Variants in RALGAPA1 observed in about 807,000 individuals in gnomAD.
RALGAPA1 encodes ral GTPase-activating protein subunit alpha-1.
RALGAPA1 carries 52 observed loss-of-function variants against 269.6 expected under a neutral mutation model. The observed-to-expected ratio is 0.19, with a 90% CI of 0.15 to 0.24. The LOEUF (loss-of-function observed/expected upper bound fraction) is 0.24. Ranked by LOEUF, RALGAPA1 falls within the 10% of genes least tolerant of loss-of-function variation. The pLI is 1.00. For missense variants in RALGAPA1, 1,917 were observed against 3,013.9 expected (o/e 0.64, Z 8.52); for synonymous variants, 817 against 1,008.3 (o/e 0.81, Z 3.60).
At chr14:35,671,597 A>G (rs1439817768) in intron 25 of RALGAPA1, 80 bp from the exon 26 acceptor site, 4 of 682,306 alleles carry the variant, frequency 5.9e-6, no homozygotes, top group South Asian at 4.8e-5. Flanking sequence ...TTAAAAATAG[A>G]TAACATATGA....
intron 39 of RALGAPA1, among the ~76,000 whole-genome samples, chr14:35,561,499 T>C (rs1006598609): frequency 1.4e-5 from 2 of 142,020 alleles, no homozygotes; most frequent in Admixed American, 7.2e-5. Flanking sequence ...ATGTCTTTAA[T>C]ATAGGAGTTT....
intron 31 of RALGAPA1, among the ~76,000 whole-genome samples, chr14:35,645,346 G>GGGGTGTGT (rs71445953): frequency 1.5e-5 from 2 of 129,488 alleles, no homozygotes; most frequent in African/African-American, 6.1e-5. Flanking sequence ...TATAGAGATG[G>GGGGTGTGT]GTGTGTGTGT....
chr14:35,681,616 T>C (rs1395547944), intron 21 of RALGAPA1, among the ~76,000 whole-genome samples: 1 of 152,218 alleles, frequency 6.6e-6, no homozygotes, highest in African/African-American at 2.4e-5. Context: ...GCTTAAAGTT[T>C]TGATAGTATT....
At chr14:35,651,421 G>A (rs1379690822) in intron 31 of RALGAPA1, among the ~76,000 whole-genome samples, 6 of 152,136 alleles carry the variant, frequency 3.9e-5, no homozygotes, top group African/African-American at 7.2e-5. Flanking sequence ...TCTTTTAAAT[G>A]ACGTATCTCT....
intron 31 of RALGAPA1, among the ~76,000 whole-genome samples, chr14:35,648,253 T>C (rs2062585749): frequency 1.3e-5 from 2 of 151,118 alleles, no homozygotes; most frequent in Admixed American, 6.6e-5. Context: ...GCCGAGATTG[T>C]GCCACTACAT....
chr14:35,738,314 C>T (rs2071222534), intron 12 of RALGAPA1, among the ~76,000 whole-genome samples, 199 bp downstream of exon 12: 1 of 151,214 alleles, frequency 6.6e-6, no homozygotes, highest in Non-Finnish European at 1.5e-5. Flanking sequence ...ATTTATATAA[C>T]ATTTAAAATT....
At chr14:35,705,376 T>C (rs1374558017) in intron 16 of RALGAPA1, among the ~76,000 whole-genome samples, 2 of 152,156 alleles carry the variant, frequency 1.3e-5, no homozygotes, top group Non-Finnish European at 2.9e-5. Context: ...AGTCATCTTT[T>C]TACTGTTGAC....
chr14:35,788,865 C>T (rs2075974277), intron 1 of RALGAPA1, among the ~76,000 whole-genome samples: 1 of 152,138 alleles, frequency 6.6e-6, no homozygotes, highest in Non-Finnish European at 1.5e-5. Context: ...TCTTTTCTAT[C>T]ATTGTCCATT....
At chr14:35,667,311 T>C (rs1446275619) in intron 26 of RALGAPA1, among the ~76,000 whole-genome samples, 1 of 152,088 alleles carries the variant, frequency 6.6e-6, no homozygotes, top group Non-Finnish European at 1.5e-5. Flanking sequence ...GGCAGGAGAA[T>C]CGCTTGAACC....
At chr14:35,699,612 A>G (rs968552976) in intron 17 of RALGAPA1, among the ~76,000 whole-genome samples, 3 of 152,106 alleles carry the variant, frequency 2.0e-5, no homozygotes. Context: ...AATCCTTAGA[A>G]TTCTATATAT....
Position 35,677,995 on chromosome 14 carries a change from C to T in RALGAPA1, c.4579G>A (p.Asp1527Asn), listed in dbSNP as rs1356478330. The T allele has an allele frequency of 5.6e-6, 9 of 1,613,588 alleles. No homozygotes were observed. Among genetic ancestry groups the T allele is most frequent in the East Asian group, 4.5e-5 (2 of 44,844 alleles). ...DHMEQKDLQLDEKLHHSVLQT... is the reference protein window; with the variant it reads ...DHMEQKDLQLNEKLHHSVLQT... ...AGAACAGAGTGGTGGAGCTTCTCGT[C>T]GAGCTGCAGATCCTTCTGTTCCATG... Residue 1527 changes from aspartate to asparagine, a missense_variant, in exon 22 of 42, where the codon GAC (aspartate) becomes AAC (asparagine). This residue lies in a region of RALGAPA1 where 73 missense variants were observed against 190.6 expected (regional missense o/e 0.38). Transcript: ENST00000680220.
Position 35,683,989 on chromosome 14 carries a change from T to C in RALGAPA1, c.4295-4A>G, listed in dbSNP as rs1189342036. On this transcript the variant is annotated splice_polypyrimidine_tract_variant and splice_region_variant and intron_variant, in intron 20 of 41. Coordinates refer to ENST00000680220, the MANE Select transcript of RALGAPA1 (RefSeq NM_001346249.2). The stretch of plus-strand genomic sequence containing the variant: ...GTGTCGGTTCCAAAGCCAAAATCTA[T>C]AGGAAGAAGAAATGTTATTATATGA... 1.1e-5 allele frequency: 17 copies of C among 1,605,118 alleles called. No homozygotes were observed. Among genetic ancestry groups the C allele is most frequent in the Admixed American group, 3.4e-5 (2 of 58,218 alleles).
intron 4 of RALGAPA1, chr14:35,766,521 TTG>T: frequency 8.7e-7 from 1 of 1,155,232 alleles, no homozygotes; most frequent in South Asian, 1.2e-5. Context: ...CTACCATCTA[TTG>T]TGCACATCAG....
intron 17 of RALGAPA1, among the ~76,000 whole-genome samples, chr14:35,691,703 T>C (rs536567695): frequency 3.9e-5 from 6 of 152,222 alleles, no homozygotes. Flanking sequence ...CATATCACCC[T>C]ATTTGTATGA....
intron 35 of RALGAPA1, among the ~76,000 whole-genome samples, chr14:35,619,892 C>A (rs1425017961): frequency 6.6e-6 from 1 of 152,036 alleles, no homozygotes; most frequent in Non-Finnish European, 1.5e-5. Flanking sequence ...GGACTACAAA[C>A]CAAAAACAGT....
intron 28 of RALGAPA1, among the ~76,000 whole-genome samples, chr14:35,657,855 G>A (rs2063302033): frequency 6.6e-6 from 1 of 151,858 alleles, no homozygotes; most frequent in South Asian, 2.1e-4. Flanking sequence ...AAATTCCCTG[G>A]GTTCTAGTTT....
chr14:35,554,439 C>T (rs1192713359), intron 39 of RALGAPA1, among the ~76,000 whole-genome samples: 4 of 145,534 alleles, frequency 2.7e-5, no homozygotes, highest in Admixed American at 6.9e-5. Flanking sequence ...CTCCGCCTCC[C>T]GGGTTCACGC....
chr14:35,751,804 A>T (rs1595429601), intron 8 of RALGAPA1, among the ~76,000 whole-genome samples: 1 of 147,946 alleles, frequency 6.8e-6, no homozygotes, highest in African/African-American at 2.6e-5. Context: ...CAACAACAAC[A>T]ACAACAACAA....
At chr14:35,700,334 G>A in intron 16 of RALGAPA1, 32 bp from the exon 17 acceptor site, 7 of 1,468,730 alleles carry the variant, frequency 4.8e-6, no homozygotes, top group Middle Eastern at 1.8e-4. Flanking sequence ...AAGTGGGGAA[G>A]GAAAAAAGAA....
Sources: gnomAD v4.1 joint callset for allele counts (sites outside exome capture counted in the v4.1 genomes callset) on GRCh38, gnomAD v4.1.1 for gene constraint, gnomAD v4.1.1 regional missense constraint, MANE v1.5 for transcripts, NCBI Gene and HGNC (gene_info 2026-07-23, HGNC 2026-07-21) for gene names.